ZNF730: variants seen among roughly 807,000 people sequenced by gnomAD.
ZNF730 encodes putative zinc finger protein 730.
ZNF730 carries 12 observed loss-of-function variants against 12.6 expected under a neutral mutation model. The ratio of observed to expected loss-of-function variants is 0.95; its 90% CI spans 0.61 to 1.54. The LOEUF (loss-of-function observed/expected upper bound fraction) is 1.54. ZNF730 is among the 40% of genes most tolerant of loss of function. The pLI is 0.00. For missense variants in ZNF730, 643 were observed against 583.5 expected, an observed-to-expected ratio of 1.10 and a Z score of -1.05; for synonymous variants, 194 against 195.8, an observed-to-expected ratio of 0.99 and a Z score of 0.08.
At chr19:23,112,204 G>T (rs142430228), upstream of ZNF730, among the ~76,000 whole-genome samples, 1 of 152,190 alleles carries the variant, frequency 6.6e-6, no homozygotes, top group Non-Finnish European at 1.5e-5. Context: ...TAACCAGAAA[G>T]ATTTCTCCTA....
intron 1 of ZNF730, among the ~76,000 whole-genome samples, chr19:23,084,291 G>A (rs937367994): frequency 1.2e-4 from 18 of 152,232 alleles, no homozygotes; most frequent in African/African-American, 4.3e-4. Context: ...TTTTATGTGA[G>A]TACAATGCTG....
At chr19:23,084,382 A>G (rs1334535266) in intron 1 of ZNF730, among the ~76,000 whole-genome samples, 1 of 152,226 alleles carries the variant, frequency 6.6e-6, no homozygotes, top group Non-Finnish European at 1.5e-5. Context: ...AAAAAAATGT[A>G]TAAAAAGTAT....
chr19:23,145,768 C>T lies in ZNF730; in HGVS notation c.724C>T (p.His242Tyr), dbSNP rs762514346. The T allele has an allele frequency of 2.5e-6, 4 of 1,571,122 alleles. No individual in the cohort carries two copies. Among genetic ancestry groups the T allele is most frequent in the East Asian group, 4.7e-5 (2 of 42,840 alleles). Residue 242 changes from histidine (H) to tyrosine (Y), a missense_variant, in exon 4 of 4, where the codon CAT becomes TAT. By Grantham distance (83) the His-to-Tyr change is moderately conservative. Transcript: ENST00000597761. ...ECGKAFNWFSHFTTHKRIHTG... is the reference protein window; with the variant it reads ...ECGKAFNWFSYFTTHKRIHTG... ...TGGCAAAGCCTTTAACTGGTTTTCA[C>T]ATTTTACTACACATAAGAGAATTCA...
intron 1 of ZNF730, among the ~76,000 whole-genome samples, chr19:23,093,207 C>G (rs904167124): frequency 2.6e-5 from 4 of 152,088 alleles, no homozygotes; most frequent in Non-Finnish European, 4.4e-5. Flanking sequence ...AACTCCTGAT[C>G]TCAGGTGATC....
upstream of ZNF730, among the ~76,000 whole-genome samples, chr19:23,116,470 G>A (rs554401459): frequency 8.1e-5 from 12 of 147,502 alleles, no homozygotes; most frequent in East Asian, 2.2e-3. Context: ...TCAGTGGTAC[G>A]ATCTCGGCTC....
upstream of ZNF730, chr19:23,116,844 GC>G (rs1970533126): frequency 3.0e-6 from 1 of 335,514 alleles, no homozygotes. Context: ...AGGAAGTCCT[GC>G]CCGAAAAGGC....
In ZNF730 at chr19:23,146,096, G is replaced by T; in HGVS notation, c.1052G>T (p.Arg351Leu). ...GAAGAATGTGGCAAAGCTTTTAACC[G>T]ATCCTCAACCCTTAATAGACATAAG... ...KCEECGKAFN[R>L]SSTLNRHKIT... is the part of the protein sequence containing the mutation. Residue 351 changes from arginine to leucine, a missense_variant, in exon 4 of 4, where the codon CGA becomes CTA. Coordinates refer to ENST00000597761, the MANE Select transcript of ZNF730 (RefSeq NM_001277403.2). 6.2e-7 allele frequency: 1 copy of T among 1,609,880 alleles called. No homozygotes were observed. The highest frequency in any genetic ancestry group is 1.1e-5 in the South Asian group (1 of 90,698).
intron 1 of ZNF730, chr19:23,123,088 G>A (rs1054647699): frequency 2.0e-5 from 3 of 152,100 alleles, no homozygotes; most frequent in African/African-American, 7.2e-5. Context: ...AACATAATGG[G>A]CTATGTGACC....
Position 23,135,104 on chromosome 19 carries a change from C to T in ZNF730, c.131-844C>T, listed in dbSNP as rs200936771. 4.5e-4 allele frequency among the ~76,000 whole-genome samples: 63 copies of T among 140,076 alleles called. No homozygotes were observed. In the East Asian group the frequency reaches 0.012, roughly 28 times the overall value. The allele number at this position is 140,076 out of a possible 152,430, so 91.9% of individuals were successfully genotyped here. Reference sequence around the variant, plus strand: ...AAACACTGTGGAAGGCCGCAGGGTCCTCTGCCTAGGAAAACCAGAGACCTT... The same window carrying T: ...AAACACTGTGGAAGGCCGCAGGGTCTTCTGCCTAGGAAAACCAGAGACCTT... On this transcript the variant is annotated intron_variant, in intron 2 of 3. Transcript: ENST00000597761.
intron 1 of ZNF730, among the ~76,000 whole-genome samples, chr19:23,097,413 G>T (rs969153645): frequency 6.6e-6 from 1 of 151,916 alleles, no homozygotes; most frequent in African/African-American, 2.4e-5. Context: ...TTCATACCGA[G>T]CTGATGTAAC....
Position 23,081,851 on chromosome 19 carries a change from C to T in ZNF730, c.-94+6464C>T, listed in dbSNP as rs182826078. 2.5e-3 allele frequency among the ~76,000 whole-genome samples: 374 copies of T among 152,330 alleles called. 4 individuals are homozygous for T. Among genetic ancestry groups the T allele is most frequent in the African/African-American group, 8.3e-3 (346 of 41,588 alleles). On this transcript the variant is annotated intron_variant, in intron 1 of 2. Coordinates refer to the ZNF730 transcript ENST00000593635. ...ATAGCTCACTGTAACCCCAAACTCG[C>T]AGACTATCTTTCCACCTCAGCTTCC... is the stretch of plus-strand genomic sequence containing the variant.
chr19:23,146,829 G>A lies in ZNF730; in HGVS notation c.*273G>A. 1.2e-6 allele frequency: 1 copy of A among 836,774 alleles called. No individual in the cohort carries two copies. The highest frequency in any genetic ancestry group is 1.4e-5 in the South Asian group (1 of 70,622). 51.8% of individuals were successfully genotyped at this position (836,774 alleles called of 1,614,324 possible). ...CTACAAGTGTGAAGAATGTGACAAA[G>A]CCTTTAACAAATCCTTAATTCTTAA... On this transcript the variant is annotated 3_prime_UTR_variant, in exon 4 of 4. Coordinates refer to ENST00000597761, the MANE Select transcript of ZNF730 (RefSeq NM_001277403.2).
In ZNF730 at chr19:23,125,100, G is replaced by A. The variant is rs150858600; in HGVS notation, c.3+7924G>A. ...TCTCGTTTTGCTTGCCACCATCCACGTAAGATATGACTTGCTTCTCCTTGC... is the reference window on the plus strand; with the variant it reads ...TCTCGTTTTGCTTGCCACCATCCACATAAGATATGACTTGCTTCTCCTTGC... On this transcript the variant is annotated intron_variant, in intron 1 of 3. Transcript: ENST00000597761. 1.5e-3 allele frequency among the ~76,000 whole-genome samples: 229 copies of A among 152,262 alleles called. 2 individuals are homozygous for A. In the East Asian group the frequency reaches 0.015, roughly 10 times the overall value.
At chr19:23,124,968 G>T (rs112068281) in intron 1 of ZNF730, among the ~76,000 whole-genome samples, 1 of 152,250 alleles carries the variant, frequency 6.6e-6, no homozygotes, top group African/African-American at 2.4e-5. Context: ...AACCCAGATG[G>T]AGGTGATTAA....
chr19:23,129,512 G>A (rs1970716005), intron 1 of ZNF730, among the ~76,000 whole-genome samples: 1 of 150,758 alleles, frequency 6.6e-6, no homozygotes, highest in Non-Finnish European at 1.5e-5. Flanking sequence ...GGGGCCAGTA[G>A]CCCCTTTGTT....
rs559282041 is a variant in ZNF730 at position 23,085,812 on chromosome 19, AC to A, written c.-94+10427del. Among the ~76,000 whole-genome samples, 27 of 127,242 alleles carry A rather than the reference AC, an allele frequency of 2.1e-4. No individual in the cohort carries two copies. The South Asian group carries it at 4.8e-3, about 22-fold the overall frequency. 83.5% of individuals were successfully genotyped at this position (127,242 alleles called of 152,430 possible). ...TACTGATGTGAGCCACCGCACCCAG[AC>A]CTATTTCACCCAATTTTTTTTTCTT... is the stretch of plus-strand genomic sequence containing the variant. On this transcript the variant is annotated intron_variant, in intron 1 of 2. Coordinates refer to the ZNF730 transcript ENST00000593635.
chr19:23,085,909 G>A (rs573125229), intron 1 of ZNF730, among the ~76,000 whole-genome samples: 11 of 132,504 alleles, frequency 8.3e-5, no homozygotes, highest in Admixed American at 7.2e-4. Context: ...GCGGTGGCAC[G>A]ATCTCGGCTC....
At chr19:23,097,366 G>A (rs1003572828) in intron 1 of ZNF730, among the ~76,000 whole-genome samples, 2 of 152,054 alleles carry the variant, frequency 1.3e-5, no homozygotes, top group Non-Finnish European at 2.9e-5. Context: ...CCTGCCTGGT[G>A]TCTGCTTGCT....
At chr19:23,134,489 C>G (rs1357916074) in intron 2 of ZNF730, among the ~76,000 whole-genome samples, 1 of 148,562 alleles carries the variant, frequency 6.7e-6, no homozygotes, top group Non-Finnish European at 1.5e-5. Flanking sequence ...GGCCAGCCCC[C>G]CGCCCGGCCG....
Sources: gnomAD v4.1 joint callset for allele counts (sites outside exome capture counted in the v4.1 genomes callset) on GRCh38, gnomAD v4.1.1 for gene constraint, MANE v1.5 for transcripts, NCBI Gene and HGNC (gene_info 2026-07-23, HGNC 2026-07-21) for gene names.